CD163: variants seen among roughly 807,000 people sequenced by gnomAD.
CD163 encodes scavenger receptor cysteine-rich type 1 protein M130.
A neutral mutation model predicts 129.2 loss-of-function variants in CD163; 64 were observed. That is an observed-to-expected ratio of 0.50 (90% CI 0.41 to 0.61). The LOEUF (loss-of-function observed/expected upper bound fraction) is 0.61. Ranked by LOEUF, CD163 falls within the 20% of genes least tolerant of loss-of-function variation. CD163 has a pLI of 0.00. For synonymous variants in CD163, 446 were observed against 478.5 expected (o/e 0.93, Z 0.89); for missense variants, 1,061 against 1,377.9 (o/e 0.77, Z 3.64).
chr12:7,482,842 G>A, intron 13 of CD163, 80 bp from the exon 14 acceptor site: 2 of 1,588,338 alleles, frequency 1.3e-6, no homozygotes, highest in Non-Finnish European at 1.7e-6. Context: ...TTCTCTCTTA[G>A]GTCAAATACT....
chr12:7,496,950 G>A lies in CD163; in HGVS notation c.962C>T (p.Ala321Val). The change falls in exon 5 of 17, where the codon GCC (alanine) becomes GTC (valine). Residue 321 changes from alanine to valine, a missense_variant. Physicochemically the swap from Ala to Val is moderately conservative, Grantham distance 64. Transcript: ENST00000432237. The surrounding 1 kb of genome is among the most constrained non-coding windows in gnomAD (Gnocchi z 4.8). ...TAVTAIGRVN[A>V]SKGFGHIWLD... ...CCAGATGTGTCCAAATCCCTTACTG[G>A]CGTTAACTCGACCAATGGCTGTGAC... The A allele has an allele frequency of 6.2e-7, 1 of 1,614,068 alleles. No homozygotes were observed. The highest frequency in any genetic ancestry group is 8.5e-7 in the Non-Finnish European group (1 of 1,180,004).
intron 16 of CD163, among the ~76,000 whole-genome samples, chr12:7,474,095 C>CT (rs1192654082): frequency 6.6e-6 from 1 of 152,076 alleles, no homozygotes; most frequent in African/African-American, 2.4e-5. Context: ...TCTTAGAGAC[C>CT]TACAAATAGA....
rs371295883 is a variant in CD163, at chr12:7,471,322, T to G, written c.*107A>C. On this transcript the variant is annotated 3_prime_UTR_variant, in exon 17 of 17. Transcript: ENST00000432237. The stretch of plus-strand genomic sequence containing the variant: ...GAAGAACTCCATAAAAATGCAACTG[T>G]AATAGTCAGTGAGAGAGGTGAATTT... The G allele has an allele frequency of 6.6e-6, 1 of 152,368 alleles. No individual in the cohort carries two copies. The highest frequency in any genetic ancestry group is 1.9e-4 in the East Asian group (1 of 5,180). 9.4% of individuals were successfully genotyped at this position (152,368 alleles called of 1,614,324 possible).
chr12:7,474,709 C>G (rs186496187), intron 16 of CD163, among the ~76,000 whole-genome samples: 2 of 152,026 alleles, frequency 1.3e-5, no homozygotes, highest in East Asian at 3.9e-4. Flanking sequence ...TAGCAGAAGA[C>G]AAGAAATAAC....
chr12:7,488,701 A>C (rs971665762), intron 6 of CD163, among the ~76,000 whole-genome samples: 11 of 152,190 alleles, frequency 7.2e-5, no homozygotes, highest in African/African-American at 1.4e-4. Flanking sequence ...ACATGTCTCA[A>C]CTGCTAATAA....
chr12:7,488,646 C>T (rs576490664), intron 6 of CD163, among the ~76,000 whole-genome samples: 2 of 152,162 alleles, frequency 1.3e-5, no homozygotes, highest in South Asian at 2.1e-4. Flanking sequence ...TTCGTGTATT[C>T]CTTGAGTCAA....
rs765910419 is a variant in CD163 at position 7,499,025 on chromosome 12, A to T, written c.621T>A (p.Ser207Arg). ...CRQLECGSAV[S>R]FSGSSNFGEG... Reference sequence around the variant, plus strand: ...CTCCAAAATTAGATGAACCAGAGAAACTGACAGCACTTCCACATTCAAGTT... The same window carrying T: ...CTCCAAAATTAGATGAACCAGAGAATCTGACAGCACTTCCACATTCAAGTT... Residue 207 changes from serine to arginine, a missense_variant, in exon 4 of 17, where the codon AGT (serine) becomes AGA (arginine). Physicochemically the swap from Ser to Arg is moderately radical, Grantham distance 110 (BLOSUM62 -1). Coordinates refer to ENST00000432237, the MANE Select transcript of CD163 (RefSeq NM_203416.4). The T allele has an allele frequency of 1.7e-5, 27 of 1,614,182 alleles. No individual in the cohort carries two copies. The highest frequency in any genetic ancestry group is 2.3e-5 in the Non-Finnish European group (27 of 1,180,020).
chr12:7,484,950 T>C, intron 11 of CD163, 146 bp downstream of exon 11: 1 of 713,368 alleles, frequency 1.4e-6, no homozygotes, highest in Non-Finnish European at 2.4e-6. Context: ...AGAATAGATA[T>C]TACCCACAAG....
chr12:7,486,222 G>A (rs1949246405), intron 10 of CD163, among the ~76,000 whole-genome samples: 1 of 151,848 alleles, frequency 6.6e-6, no homozygotes, highest in South Asian at 2.1e-4. Context: ...TCTAATATCT[G>A]GCCCCAAATA....
intron 12 of CD163, 151 bp downstream of exon 12, chr12:7,483,216 C>T: frequency 1.2e-6 from 1 of 819,672 alleles, no homozygotes; most frequent in Non-Finnish European, 1.9e-6. Flanking sequence ...CAATTGTTTT[C>T]ATCATTCTTT....
intron 6 of CD163, among the ~76,000 whole-genome samples, chr12:7,490,228 T>A (rs1357068570): frequency 1.3e-5 from 2 of 151,946 alleles, no homozygotes; most frequent in East Asian, 3.9e-4. Context: ...GATGAGGAGT[T>A]TGCCAAATAC....
chr12:7,489,266 A>T (rs1446418680), intron 6 of CD163, among the ~76,000 whole-genome samples: 1 of 152,180 alleles, frequency 6.6e-6, no homozygotes, highest in Non-Finnish European at 1.5e-5. Context: ...TGCTATTGCC[A>T]TAAAGTGATT....
chr12:7,498,794 C>G, intron 4 of CD163, 74 bp downstream of exon 4: 1 of 1,347,434 alleles, frequency 7.4e-7, no homozygotes, highest in Non-Finnish European at 1.0e-6. Context: ...CTTAAGAGTT[C>G]AGGCTCTTAA....
Position 7,499,071 on chromosome 12 carries a change from TG to T in CD163, c.574del (p.His192MetfsTer65). The T allele has an allele frequency of 6.2e-7, 1 of 1,614,082 alleles. No individual in the cohort carries two copies. Among genetic ancestry groups the T allele is most frequent in the South Asian group, 1.1e-5 (1 of 91,076 alleles). On this transcript the variant is annotated frameshift_variant, in exon 4 of 17. Coordinates refer to ENST00000432237, the MANE Select transcript of CD163 (RefSeq NM_203416.4). LOFTEE classifies it high-confidence loss of function. ...TVCDDNFNID[H>X]ASVICRQLEC... is the part of the protein sequence containing the mutation. ...AAGTTGTCTACAAATGACAGATGCA[TG>T]ATCTATGTTGAAGTTATCATCACAC...
At chr12:7,500,508 G>A (rs978134096) in intron 3 of CD163, among the ~76,000 whole-genome samples, 1 of 151,392 alleles carries the variant, frequency 6.6e-6, no homozygotes, top group Middle Eastern at 3.4e-3. Context: ...TGTGCCCTTG[G>A]GATTTGTCAG....
rs141763229 is a variant in CD163, at chr12:7,484,893, G to A, written c.2779+203C>T. Among the ~76,000 whole-genome samples, 93 of 152,272 alleles carry A rather than the reference G, an allele frequency of 6.1e-4. 1 individual carries two copies. In the East Asian group the frequency reaches 0.016, roughly 26 times the overall value. ...CTTTAGAATAATAATAGCTGATCCT[G>A]AATATCTACAGGCCAAATTAAATAA... On this transcript the variant is annotated intron_variant, in intron 11 of 16. Coordinates refer to ENST00000432237, the MANE Select transcript of CD163 (RefSeq NM_203416.4).
At chr12:7,501,116 G>C in intron 3 of CD163, 23 bp downstream of exon 3, 4 of 1,603,730 alleles carry the variant, frequency 2.5e-6, no homozygotes, top group Non-Finnish European at 2.6e-6. Context: ...TTGTGTTGAG[G>C]CTTTGACTAA....
intron 16 of CD163, chr12:7,471,735 G>A (rs755929038): frequency 3.3e-5 from 5 of 152,130 alleles, no homozygotes; most frequent in Non-Finnish European, 5.9e-5. Context: ...TAGAACCCCA[G>A]GGAGACAGAA....
At position 7,486,485 on chromosome 12, in the gene CD163, T is replaced by C; in HGVS notation, c.2458+14A>G. ...TCTATGTAATTATGACCAAAGGTCA[T>C]ATGCATAATTTACCTGAGCAGATAA... is the stretch of plus-strand genomic sequence containing the variant. On this transcript the variant is annotated intron_variant, in intron 10 of 16. Transcript: ENST00000432237. 1 of 1,607,030 alleles carries C rather than the reference T, an allele frequency of 6.2e-7. No individual in the cohort carries two copies. Among genetic ancestry groups the C allele is most frequent in the African/African-American group, 1.3e-5 (1 of 74,966 alleles).
Sources: allele counts gnomAD v4.1 joint callset (sites outside exome capture counted in the v4.1 genomes callset), GRCh38; gene constraint gnomAD v4.1.1; non-coding constraint Gnocchi (gnomAD v3.1); transcripts MANE v1.5; gene names NCBI Gene and HGNC (gene_info 2026-07-23, HGNC 2026-07-21).